Variants in HDAC9 observed in about 807,000 individuals in gnomAD.
The protein encoded by HDAC9 is histone deacetylase 9.
In HDAC9, 41 loss-of-function variants were observed where a neutral mutation model predicts 139.4. That is an observed-to-expected ratio of 0.29 (90% CI 0.23 to 0.38). The LOEUF is 0.38. HDAC9 is among the 10% of genes least tolerant of loss of function. The pLI, the probability that HDAC9 is intolerant of heterozygous loss-of-function variation, is 1.00. For missense variants in HDAC9, 1,147 were observed against 1,297.0 expected, an observed-to-expected ratio of 0.88 and a Z score of 1.78; for synonymous variants, 517 against 476.2, an observed-to-expected ratio of 1.09 and a Z score of -1.12.
chr7:18,341,214 TTG>T (rs143765661), intron 1 of HDAC9, among the ~76,000 whole-genome samples: 17 of 149,616 alleles, frequency 1.1e-4, no homozygotes, highest in South Asian at 2.1e-4. Context: ...TATTCATGTT[TTG>T]TGTGTGTGTG....
At chr7:18,607,665 A>C (rs1284895517) in intron 6 of HDAC9, among the ~76,000 whole-genome samples, 1 of 152,228 alleles carries the variant, frequency 6.6e-6, no homozygotes. Flanking sequence ...TAACCTTGTC[A>C]CTAATACATG....
upstream of HDAC9, among the ~76,000 whole-genome samples, chr7:18,495,024 A>G (rs574479315): frequency 3.3e-5 from 5 of 152,210 alleles, no homozygotes; most frequent in South Asian, 4.1e-4. Flanking sequence ...CTAAGATACA[A>G]TAGGATTTGT....
rs1788190300 is a variant in HDAC9 at position 18,648,567 on chromosome 7, C to T, written c.1351C>T (p.Arg451Ter). ...ATTGCCCCGTCACAGACCCCTGAAC[C>T]GAACCCAGTCTGCACCTTTGCCTCA... The part of the protein sequence containing the change: ...HKLPRHRPLN[R>*]TQSAPLPQST... The change falls in exon 11 of 26, where the codon CGA becomes TGA. Residue 451 changes from arginine to a stop codon, truncating the protein, a stop_gained. Coordinates refer to ENST00000686413, the MANE Select transcript of HDAC9 (RefSeq NM_178425.4). LOFTEE classifies it high-confidence loss of function. 6.2e-7 allele frequency: 1 copy of T among 1,613,608 alleles called. No individual in the cohort carries two copies. The highest frequency in any genetic ancestry group is 8.5e-7 in the Non-Finnish European group (1 of 1,179,748).
chr7:18,112,890 G>C (rs899250226), intron 1 of HDAC9, among the ~76,000 whole-genome samples: 4 of 152,144 alleles, frequency 2.6e-5, no homozygotes, highest in Admixed American at 6.5e-5. Flanking sequence ...TAGGTAGTCA[G>C]AAGATGTTTA....
chr7:18,995,164 G>C (rs1265174781), intron 25 of HDAC9, among the ~76,000 whole-genome samples: 3 of 152,180 alleles, frequency 2.0e-5, no homozygotes, highest in Admixed American at 6.5e-5. Context: ...TGAAACCAGA[G>C]CTTCACAAAA....
chr7:18,621,058 T>C (rs2128942437), intron 6 of HDAC9, among the ~76,000 whole-genome samples: 1 of 152,256 alleles, frequency 6.6e-6, no homozygotes, highest in South Asian at 2.1e-4. Context: ...TATTCACATG[T>C]AAGTGTGGAT....
At chr7:18,215,766 G>T (rs577889548) in intron 2 of HDAC9, among the ~76,000 whole-genome samples, 1 of 152,262 alleles carries the variant, frequency 6.6e-6, no homozygotes, top group Non-Finnish European at 1.5e-5. Context: ...GGTCTTTCTT[G>T]CCTTGGTCTT....
At chr7:18,725,919 A>C (rs1390512981) in intron 12 of HDAC9, among the ~76,000 whole-genome samples, 1 of 152,136 alleles carries the variant, frequency 6.6e-6, no homozygotes, top group South Asian at 2.1e-4. Flanking sequence ...ATCCATCCCA[A>C]TCATCGAAGC....
intron 1 of HDAC9, among the ~76,000 whole-genome samples, chr7:18,157,849 G>C (rs965474548): frequency 6.2e-5 from 9 of 144,370 alleles, no homozygotes; most frequent in Non-Finnish European, 7.7e-5. Flanking sequence ...GAGAGAGAGA[G>C]AGACTGAGGA....
intron 2 of HDAC9, among the ~76,000 whole-genome samples, chr7:18,179,097 G>T (rs540035368): frequency 1.3e-5 from 2 of 152,278 alleles, no homozygotes; most frequent in Admixed American, 1.3e-4. Context: ...ATTTGCCCAG[G>T]AAGCTTATTT....
chr7:18,525,476 C>G (rs1365100619), intron 2 of HDAC9, among the ~76,000 whole-genome samples: 1 of 152,050 alleles, frequency 6.6e-6, no homozygotes, highest in Non-Finnish European at 1.5e-5. Flanking sequence ...TTTGGTTAAA[C>G]TATACTTCTC....
At chr7:18,743,020 C>T (rs1469173025) in intron 13 of HDAC9, among the ~76,000 whole-genome samples, 3 of 152,092 alleles carry the variant, frequency 2.0e-5, no homozygotes, top group African/African-American at 7.2e-5. Context: ...GTTCACTGAA[C>T]GAAGCAGTAT....
chr7:18,541,442 G>T (rs1432294239), intron 2 of HDAC9, among the ~76,000 whole-genome samples: 1 of 152,002 alleles, frequency 6.6e-6, no homozygotes, highest in East Asian at 1.9e-4. Flanking sequence ...TTCACAAGGG[G>T]CTCCCAAGCT....
chr7:18,303,799 T>C (rs1384227160), intron 1 of HDAC9, among the ~76,000 whole-genome samples: 2 of 152,186 alleles, frequency 1.3e-5, no homozygotes, highest in Non-Finnish European at 2.9e-5. Flanking sequence ...AAGATGTTAG[T>C]TAGGCTCCAT....
At chr7:18,155,593 A>T (rs780410152) in intron 1 of HDAC9, among the ~76,000 whole-genome samples, 5 of 152,310 alleles carry the variant, frequency 3.3e-5, no homozygotes, top group African/African-American at 4.8e-5. Flanking sequence ...TCCCTGCTCT[A>T]TATTACACCC....
At chr7:18,357,024 G>C (rs143742819) in intron 1 of HDAC9, among the ~76,000 whole-genome samples, 1 of 152,106 alleles carries the variant, frequency 6.6e-6, no homozygotes, top group Non-Finnish European at 1.5e-5. Flanking sequence ...TTTAAGAAAT[G>C]CCTTACCTCT....
chr7:18,834,378 G>A (rs1338536372), intron 19 of HDAC9, among the ~76,000 whole-genome samples: 1 of 150,544 alleles, frequency 6.6e-6, no homozygotes, highest in Admixed American at 6.6e-5. Context: ...ATTAATTGAG[G>A]TGTTTTTTTT....
chr7:18,727,510 C>A (rs1246014914), intron 12 of HDAC9, 70 bp from the exon 13 acceptor site: 11 of 1,285,978 alleles, frequency 8.6e-6, no homozygotes, highest in Non-Finnish European at 1.2e-5. Context: ...AATTTGTTGA[C>A]ATGTCGCTCA....
intron 17 of HDAC9, among the ~76,000 whole-genome samples, chr7:18,823,043 A>G (rs1458463112): frequency 2.6e-5 from 4 of 152,170 alleles, no homozygotes; most frequent in East Asian, 1.9e-4. Context: ...AAATAACCCA[A>G]TAAAAGAAAA....
Sources: allele counts gnomAD v4.1 joint callset (sites outside exome capture counted in the v4.1 genomes callset), GRCh38; gene constraint gnomAD v4.1.1; transcripts MANE v1.5; gene names NCBI Gene and HGNC (gene_info 2026-07-23, HGNC 2026-07-21).